The following ASPRV1 variants were observed in gnomAD, a reference collection of about 807,000 sequenced individuals.
The protein encoded by ASPRV1 is aspartic peptidase retroviral like 1.
A neutral mutation model predicts 11.0 loss-of-function variants in ASPRV1; 7 were observed. The observed-to-expected ratio is 0.64, with a 90% CI of 0.36 to 1.20. The LOEUF (loss-of-function observed/expected upper bound fraction) is 1.20, where lower values mean the gene tolerates loss of function less well. Among genes scored for constraint, ASPRV1 ranks in the 50% most tolerant of loss-of-function variants. The pLI is 0.02. For missense variants in ASPRV1, 299 were observed against 320.0 expected (o/e 0.93, Z 0.50); for synonymous variants, 136 against 138.4 (o/e 0.98, Z 0.12).
chr2:70,069,131 T>G, the ASPRV1 span: 2 of 152,170 alleles, frequency 1.3e-5, no homozygotes, highest in Non-Finnish European at 2.9e-5. Flanking sequence ...AACAGCTGAT[T>G]CACCATCAAT....
chr2:70,074,855 G>A, the ASPRV1 span, among the ~76,000 whole-genome samples: 1 of 151,394 alleles, frequency 6.6e-6, no homozygotes, highest in Non-Finnish European at 1.5e-5. Context: ...AGTGGCTCAC[G>A]CCTATAATCC....
chr2:70,068,043 G>GC, the ASPRV1 span, among the ~76,000 whole-genome samples: 1 of 152,118 alleles, frequency 6.6e-6, no homozygotes. Context: ...TTAACACCAA[G>GC]CCCCCTAAGT....
chr2:69,933,656 C>G, the ASPRV1 span, among the ~76,000 whole-genome samples: 1 of 152,196 alleles, frequency 6.6e-6, no homozygotes, highest in Non-Finnish European at 1.5e-5. Flanking sequence ...GGAAGGAAGT[C>G]TAATGCCTTG....
the ASPRV1 span, among the ~76,000 whole-genome samples, chr2:70,080,046 A>AT: frequency 7.9e-5 from 12 of 151,958 alleles, no homozygotes; most frequent in Non-Finnish European, 1.5e-4. Context: ...ATTTAAATGT[A>AT]TTTTTTTTGT....
chr2:70,006,054 C>T, the ASPRV1 span, among the ~76,000 whole-genome samples: 1 of 152,204 alleles, frequency 6.6e-6, no homozygotes, highest in Non-Finnish European at 1.5e-5. Context: ...TGTTTGGCAG[C>T]ATCCTGGCCT....
the ASPRV1 span, chr2:70,018,281 AC>A: frequency 2.0e-5 from 3 of 152,144 alleles, no homozygotes; most frequent in Admixed American, 1.3e-4. Context: ...AAGAGGACAC[AC>A]ACAAAACATG....
At chr2:70,066,292 A>G in the ASPRV1 span, among the ~76,000 whole-genome samples, 5 of 151,728 alleles carry the variant, frequency 3.3e-5, no homozygotes, top group Admixed American at 2.6e-4. Context: ...AGGCTGGAGT[A>G]CAATGGCGCA....
the ASPRV1 span, among the ~76,000 whole-genome samples, chr2:69,998,477 C>A: frequency 6.6e-6 from 1 of 152,186 alleles, no homozygotes; most frequent in Non-Finnish European, 1.5e-5. Context: ...CGCAGTGGCT[C>A]ACGCCTGTAA....
the ASPRV1 span, among the ~76,000 whole-genome samples, chr2:69,952,714 T>C: frequency 1.3e-5 from 2 of 152,118 alleles, no homozygotes; most frequent in Admixed American, 1.3e-4. Flanking sequence ...GTTTGGTGCA[T>C]TGCAGGATGT....
At chr2:70,015,434 A>T in the ASPRV1 span, 2 of 152,212 alleles carry the variant, frequency 1.3e-5, no homozygotes, top group African/African-American at 4.8e-5. Context: ...GAGGATCAAA[A>T]ATACAGTACT....
the ASPRV1 span, chr2:69,996,840 T>C: frequency 2.4e-6 from 1 of 423,794 alleles, no homozygotes; most frequent in African/African-American, 2.0e-5. Context: ...AGAATGCTGA[T>C]GGATAAGGGT....
chr2:69,949,958 G>A, the ASPRV1 span, among the ~76,000 whole-genome samples: 2 of 152,146 alleles, frequency 1.3e-5, no homozygotes, highest in African/African-American at 2.4e-5. Flanking sequence ...TGGGATTACA[G>A]GCGTCTGCCA....
the ASPRV1 span, among the ~76,000 whole-genome samples, chr2:70,043,034 T>C: frequency 1.3e-5 from 2 of 152,180 alleles, no homozygotes; most frequent in Non-Finnish European, 2.9e-5. Flanking sequence ...CTGTAAAATA[T>C]GCCCTTGGGG....
chr2:69,933,524 GCTATTAC>G, the ASPRV1 span, among the ~76,000 whole-genome samples: 3 of 152,116 alleles, frequency 2.0e-5, no homozygotes, highest in Middle Eastern at 3.2e-3. Flanking sequence ...AAGCCCTTGT[GCTATTAC>G]CTCTTCCTAG....
At chr2:69,948,488 G>A in the ASPRV1 span, among the ~76,000 whole-genome samples, 1 of 152,214 alleles carries the variant, frequency 6.6e-6, no homozygotes, top group Admixed American at 6.5e-5. Flanking sequence ...CTGAGGGCCT[G>A]ACAGAACCAG....
the ASPRV1 span, among the ~76,000 whole-genome samples, chr2:70,008,001 A>G: frequency 1.3e-4 from 20 of 151,904 alleles, no homozygotes; most frequent in African/African-American, 3.4e-4. Context: ...ACGCCTGGCT[A>G]ATTTTTGCAT....
the ASPRV1 span, chr2:69,938,325 GT>G: frequency 6.2e-7 from 1 of 1,603,364 alleles, no homozygotes; most frequent in Non-Finnish European, 8.5e-7. Flanking sequence ...GGTTCTCCCT[GT>G]TGGTTCTGAT....
the ASPRV1 span, among the ~76,000 whole-genome samples, chr2:70,024,273 T>G: frequency 6.6e-6 from 1 of 152,092 alleles, no homozygotes; most frequent in African/African-American, 2.4e-5. Flanking sequence ...GGGTAATACT[T>G]AATAGTGGCA....
Position 69,961,495 on chromosome 2 carries a change from A to G in ASPRV1, c.-59T>C. 1 of 1,614,094 alleles carries G rather than the reference A, an allele frequency of 6.2e-7. No homozygotes were observed. The highest frequency in any genetic ancestry group is 1.1e-5 in the South Asian group (1 of 91,080). On this transcript the variant is annotated 5_prime_UTR_variant, in exon 1 of 1. Transcript: ENST00000320256. The stretch of plus-strand genomic sequence containing the variant: ...CCACGCCAAGAAGAGAAACCCACAG[A>G]GCAGTGTCGGCGCAATCACGCTGGA...
Sources: gnomAD v4.1 joint callset for allele counts (sites outside exome capture counted in the v4.1 genomes callset) on GRCh38, gnomAD v4.1.1 for gene constraint, MANE v1.5 for transcripts, NCBI Gene and HGNC (gene_info 2026-07-23, HGNC 2026-07-21) for gene names.